PPIH: variants seen among roughly 807,000 people sequenced by gnomAD.
The protein encoded by PPIH is peptidylprolyl isomerase H.
A neutral mutation model predicts 27.6 loss-of-function variants in PPIH; 16 were observed. That is an observed-to-expected ratio of 0.58 (90% CI 0.39 to 0.88). The LOEUF (loss-of-function observed/expected upper bound fraction) is 0.88. Ranked by LOEUF, PPIH falls within the 40% of genes least tolerant of loss-of-function variation. PPIH has a pLI of 0.00. For missense variants in PPIH, 155 were observed against 224.1 expected (o/e 0.69, Z 1.97); for synonymous variants, 63 against 76.1 (o/e 0.83, Z 0.90).
chr1:42,672,887 G>T (rs1417895691), intron 9 of PPIH, among the ~76,000 whole-genome samples: 1 of 152,112 alleles, frequency 6.6e-6, no homozygotes, highest in Non-Finnish European at 1.5e-5. Flanking sequence ...GATCTCATGT[G>T]ATCTGCCCGC....
intron 4 of PPIH, among the ~76,000 whole-genome samples, 180 bp from the exon 5 acceptor site, chr1:42,660,682 G>A (rs961361347): frequency 5.9e-5 from 9 of 152,120 alleles, no homozygotes; most frequent in Admixed American, 2.6e-4. Flanking sequence ...TGCCTGCCTC[G>A]GCCTCCCAAA....
At chr1:42,666,493 G>A in intron 7 of PPIH, 54 bp from the exon 8 acceptor site, 1 of 1,560,978 alleles carries the variant, frequency 6.4e-7, no homozygotes, top group African/African-American at 1.4e-5. Context: ...GGCTTTGGAA[G>A]CTGGAAAATG....
At chr1:42,678,969 G>C (rs371052734), downstream of PPIH, 3 of 152,220 alleles carry the variant, frequency 2.0e-5, no homozygotes, top group African/African-American at 7.2e-5. Context: ...TTAGAGATGG[G>C]GGGACAAGGT....
At chr1:42,679,620 C>G (rs1340630354), downstream of PPIH, among the ~76,000 whole-genome samples, 2 of 152,212 alleles carry the variant, frequency 1.3e-5, no homozygotes, top group African/African-American at 4.8e-5. Flanking sequence ...TGTATTTTTG[C>G]TTGAGAAGCC....
chr1:42,671,795 TGAAAG>T (rs903310581), intron 9 of PPIH, among the ~76,000 whole-genome samples: 2 of 152,056 alleles, frequency 1.3e-5, no homozygotes, highest in African/African-American at 4.8e-5. Flanking sequence ...GAAAAATTAA[TGAAAG>T]AGGAGATGAA....
At chr1:42,677,151 G>A (rs143167004), downstream of PPIH, among the ~76,000 whole-genome samples, 844 of 152,278 alleles carry the variant, frequency 5.5e-3, 7 homozygotes, top group South Asian at 9.5e-3. Flanking sequence ...AAGGTAATTT[G>A]TAGTAAACAG....
chr1:42,673,561 T>C (rs1649747582), intron 9 of PPIH, among the ~76,000 whole-genome samples: 1 of 152,214 alleles, frequency 6.6e-6, no homozygotes. Flanking sequence ...AATAATCATT[T>C]TGGGGCACTC....
At chr1:42,666,150 C>A (rs924780028) in intron 7 of PPIH, 83 bp downstream of exon 7, 2 of 1,302,336 alleles carry the variant, frequency 1.5e-6, no homozygotes, top group Middle Eastern at 2.1e-4. Flanking sequence ...AAACTCTTAC[C>A]AAGAAAGCTC....
chr1:42,667,707 A>G (rs997683594), intron 9 of PPIH, among the ~76,000 whole-genome samples: 3 of 152,228 alleles, frequency 2.0e-5, no homozygotes, highest in Non-Finnish European at 4.4e-5. Flanking sequence ...GTAATGTACA[A>G]AGTATCAATG....
At chr1:42,660,819 T>C in intron 4 of PPIH, 43 bp from the exon 5 acceptor site, 1 of 1,486,604 alleles carries the variant, frequency 6.7e-7, no homozygotes, top group Non-Finnish European at 9.2e-7. Flanking sequence ...TATGTTTTTC[T>C]AAACCATAAA....
At chr1:42,674,410 A>G (rs1219593229) in intron 9 of PPIH, among the ~76,000 whole-genome samples, 2 of 152,232 alleles carry the variant, frequency 1.3e-5, no homozygotes, top group Non-Finnish European at 2.9e-5. Flanking sequence ...ATGAAAAGCA[A>G]ATGGTGAGAA....
intron 9 of PPIH, among the ~76,000 whole-genome samples, chr1:42,667,905 G>A (rs1649430553): frequency 6.6e-6 from 1 of 152,176 alleles, no homozygotes; most frequent in African/African-American, 2.4e-5. Context: ...CTTCATATTC[G>A]CTGGCCTCAT....
intron 5 of PPIH, among the ~76,000 whole-genome samples, chr1:42,663,815 A>G (rs1264960123): frequency 6.6e-6 from 1 of 152,188 alleles, no homozygotes; most frequent in Non-Finnish European, 1.5e-5. Context: ...TTCTTTTCCA[A>G]AAAGGGACCC....
intron 1 of PPIH, 147 bp downstream of exon 1, chr1:42,658,659 A>AAGG: frequency 1.8e-6 from 2 of 1,129,778 alleles, no homozygotes; most frequent in Non-Finnish European, 1.3e-6. Context: ...GGCGGGGGGA[A>AAGG]AGGAGGAGGA....
rs1648885193 is a variant in PPIH at position 42,659,531 on chromosome 1, G to T, written c.165G>T (p.Gly55=). The T allele has an allele frequency of 6.2e-7, 1 of 1,614,134 alleles. No individual in the cohort carries two copies. Residue 55 remains glycine (G), a synonymous_variant, in exon 4 of 10, where the codon GGG becomes GGT. Coordinates refer to ENST00000304979, the MANE Select transcript of PPIH (RefSeq NM_006347.4). The part of the protein sequence containing the change: ...QFCTGEFRKD[G]VPIGYKGSTF... ...TTCTTTTCGGTTATAGGAAAGATGG[G>T]GTTCCAATAGGATACAAAGGAAGCA...
At chr1:42,667,490 C>A in intron 9 of PPIH, 50 bp downstream of exon 9, 2 of 1,450,638 alleles carry the variant, frequency 1.4e-6, no homozygotes, top group East Asian at 2.3e-5. Context: ...TCAGAGAAGG[C>A]AGCATGGTCT....
Position 42,660,848 on chromosome 1 carries a change from GCTCT to G in PPIH, c.201-11_201-8del. The G allele has an allele frequency of 2.5e-6, 4 of 1,590,982 alleles. No homozygotes were observed. The highest frequency in any genetic ancestry group is 3.4e-6 in the Non-Finnish European group (4 of 1,168,502). On this transcript the variant is annotated splice_polypyrimidine_tract_variant and intron_variant, in intron 4 of 9. Coordinates refer to ENST00000304979, the MANE Select transcript of PPIH (RefSeq NM_006347.4). ...CCATAAAATCTTCTCAGTATTCTTT[GCTCT>G]CTGTTTCAGGGTCATAAAGGATTTC...
intron 9 of PPIH, among the ~76,000 whole-genome samples, chr1:42,675,559 A>G (rs1358704392): frequency 6.6e-6 from 1 of 152,236 alleles, no homozygotes; most frequent in African/African-American, 2.4e-5. Flanking sequence ...CAGCTTACAA[A>G]GTACATTTAT....
At chr1:42,677,597 G>C (rs1352839237), downstream of PPIH, among the ~76,000 whole-genome samples, 1 of 152,186 alleles carries the variant, frequency 6.6e-6, no homozygotes, top group African/African-American at 2.4e-5. Context: ...TCACTTCAGC[G>C]TGCAGAAGTT....
Sources: allele counts gnomAD v4.1 joint callset (sites outside exome capture counted in the v4.1 genomes callset), GRCh38; gene constraint gnomAD v4.1.1; transcripts MANE v1.5; gene names NCBI Gene and HGNC (gene_info 2026-07-23, HGNC 2026-07-21).